DIS3L2: variants seen among roughly 807,000 people sequenced by gnomAD.
The protein encoded by DIS3L2 is DIS3-like exonuclease 2.
A neutral mutation model predicts 97.5 loss-of-function variants in DIS3L2; 34 were observed. The ratio of observed to expected loss-of-function variants is 0.35; its 90% CI spans 0.27 to 0.46. DIS3L2 has a LOEUF of 0.46. DIS3L2 is among the 20% of genes least tolerant of loss of function. DIS3L2 has a pLI of 1.00. For synonymous variants in DIS3L2, 435 were observed against 445.2 expected, an observed-to-expected ratio of 0.98 and a Z score of 0.29; for missense variants, 1,038 against 1,146.0, an observed-to-expected ratio of 0.91 and a Z score of 1.36.
Position 232,163,439 on chromosome 2 carries a change from C to A in DIS3L2, c.951-20C>A, listed in dbSNP as rs201896227. ...CATTTGTTTGCTAACCCAGTTATTC[C>A]GTTTCTGTTCTATCCATAGGCAGCT... is the stretch of plus-strand genomic sequence containing the variant. On this transcript the variant is annotated intron_variant, in intron 8 of 20. Transcript: ENST00000325385. 1.2e-6 allele frequency: 2 copies of A among 1,603,152 alleles called. No individual in the cohort carries two copies. The highest frequency in any genetic ancestry group is 2.7e-5 in the African/African-American group (2 of 74,328).
At chr2:232,086,853 T>TA (rs1052417691) in intron 5 of DIS3L2, among the ~76,000 whole-genome samples, 17 of 151,064 alleles carry the variant, frequency 1.1e-4, no homozygotes, top group Admixed American at 4.0e-4. Flanking sequence ...CTAATTTTTT[T>TA]ATATTTTTAG....
At chr2:232,083,784 C>T (rs1175982232) in intron 5 of DIS3L2, among the ~76,000 whole-genome samples, 1 of 152,106 alleles carries the variant, frequency 6.6e-6, no homozygotes, top group Non-Finnish European at 1.5e-5. Context: ...TGTGAGCCAC[C>T]ACGCCAGGCC....
At chr2:232,299,960 TTTTA>T in intron 13 of DIS3L2, 76 bp from the exon 14 acceptor site, 1 of 1,427,618 alleles carries the variant, frequency 7.0e-7, no homozygotes, top group South Asian at 1.2e-5. Flanking sequence ...CTTCGTTTGA[TTTTA>T]TTTTTTTCAT....
chr2:232,190,448 T>C (rs1691582386), intron 9 of DIS3L2, among the ~76,000 whole-genome samples: 1 of 152,176 alleles, frequency 6.6e-6, no homozygotes, highest in Non-Finnish European at 1.5e-5. Flanking sequence ...TAGACCAAGG[T>C]GAAATTCAGA....
intron 3 of DIS3L2, among the ~76,000 whole-genome samples, chr2:232,017,426 T>A (rs926627042): frequency 2.0e-5 from 3 of 152,144 alleles, no homozygotes; most frequent in African/African-American, 7.2e-5. Context: ...TTTTAAAGCT[T>A]TCCCTGGATT....
intron 1 of DIS3L2, among the ~76,000 whole-genome samples, chr2:232,006,145 T>C (rs3100600): frequency 0.94 from 142,839 of 152,330 alleles, 67,064 homozygotes; most frequent in East Asian, 1. Context: ...CAAGATCGTG[T>C]CACTGCACTC....
chr2:232,135,779 C>A (rs1698338054), intron 7 of DIS3L2, among the ~76,000 whole-genome samples: 1 of 151,890 alleles, frequency 6.6e-6, no homozygotes, highest in Non-Finnish European at 1.5e-5. Context: ...GTTCAGGGGT[C>A]TGGTGGGATG....
At chr2:232,296,480 G>C (rs992935430) in intron 13 of DIS3L2, among the ~76,000 whole-genome samples, 2 of 152,184 alleles carry the variant, frequency 1.3e-5, no homozygotes, top group Non-Finnish European at 2.9e-5. Flanking sequence ...ATCTCACCTT[G>C]AATTTTAGTA....
chr2:232,174,720 T>C (rs1691100923), intron 9 of DIS3L2, among the ~76,000 whole-genome samples: 1 of 152,226 alleles, frequency 6.6e-6, no homozygotes, highest in South Asian at 2.1e-4. Context: ...ATGCCTTTTA[T>C]TTCCTTTTGT....
chr2:232,319,916 G>C (rs999619291), intron 14 of DIS3L2, among the ~76,000 whole-genome samples: 1 of 152,230 alleles, frequency 6.6e-6, no homozygotes, highest in African/African-American at 2.4e-5. Context: ...CCTAATCCAG[G>C]TTGTTCTGGT....
At chr2:232,287,415 A>G (rs1387176649) in intron 13 of DIS3L2, among the ~76,000 whole-genome samples, 1 of 90,146 alleles carries the variant, frequency 1.1e-5, no homozygotes, top group East Asian at 3.9e-4. Context: ...CTTTTATTAC[A>G]TAGAGACAGG....
At chr2:232,254,863 C>G (rs533169094) in intron 12 of DIS3L2, among the ~76,000 whole-genome samples, 2 of 152,146 alleles carry the variant, frequency 1.3e-5, no homozygotes, top group South Asian at 4.1e-4. Flanking sequence ...CAAGCCAGAT[C>G]GGAAGTAATG....
intron 3 of DIS3L2, among the ~76,000 whole-genome samples, chr2:232,019,947 T>C (rs1694466449): frequency 6.6e-6 from 1 of 151,978 alleles, no homozygotes; most frequent in African/African-American, 2.4e-5. Flanking sequence ...GGAAAGCCTC[T>C]GTGAGATGAT....
At chr2:232,136,757 G>C in intron 8 of DIS3L2, 38 bp downstream of exon 8, 1 of 1,604,864 alleles carries the variant, frequency 6.2e-7, no homozygotes, top group Non-Finnish European at 8.5e-7. Context: ...CAGGTCACAG[G>C]CAGAACTCAG....
At chr2:232,339,099 C>T (rs2106360040), downstream of DIS3L2, among the ~76,000 whole-genome samples, 1 of 152,326 alleles carries the variant, frequency 6.6e-6, no homozygotes, top group Middle Eastern at 3.4e-3. Flanking sequence ...GTGGCCCAGC[C>T]TGAGGAAGGA....
intron 9 of DIS3L2, among the ~76,000 whole-genome samples, chr2:232,202,332 A>G (rs1362592630): frequency 6.6e-6 from 1 of 152,146 alleles, no homozygotes; most frequent in East Asian, 1.9e-4. Context: ...TGGGAGGCGG[A>G]GGTTGCAGTG....
At chr2:232,048,387 A>G (rs1038864323) in intron 5 of DIS3L2, among the ~76,000 whole-genome samples, 9 of 151,924 alleles carry the variant, frequency 5.9e-5, no homozygotes, top group South Asian at 2.1e-4. Flanking sequence ...TTTATGAGTT[A>G]CTTCTGGAGC....
chr2:232,237,798 A>G (rs1287470182), intron 10 of DIS3L2, among the ~76,000 whole-genome samples: 1 of 152,094 alleles, frequency 6.6e-6, no homozygotes, highest in African/African-American at 2.4e-5. Flanking sequence ...CAAATAAAGT[A>G]AGGAAGATTT....
chr2:232,122,504 G>A lies in DIS3L2; in HGVS notation c.602-8115G>A, dbSNP rs1028137982. Among the ~76,000 whole-genome samples, 13 of 152,200 alleles carry A rather than the reference G, an allele frequency of 8.5e-5. 1 individual carries two copies. The East Asian group carries it at 2.5e-3, about 29-fold the overall frequency. On this transcript the variant is annotated intron_variant, in intron 6 of 20. Transcript: ENST00000325385. ...GGCCGAGGTGGGTGGATCACCTAAG[G>A]TCAGGAGTTCAAGACCAGCCTGACC...
Sources: allele counts gnomAD v4.1 joint callset (sites outside exome capture counted in the v4.1 genomes callset), GRCh38; gene constraint gnomAD v4.1.1; transcripts MANE v1.5; gene names NCBI Gene and HGNC (gene_info 2026-07-23, HGNC 2026-07-21).